Variants in LRP5 observed in about 807,000 individuals in gnomAD.
LRP5 encodes the protein low-density lipoprotein receptor-related protein 5.
A neutral mutation model predicts 154.1 loss-of-function variants in LRP5; 62 were observed. That is an observed-to-expected ratio of 0.40 (90% confidence interval 0.33 to 0.50). The LOEUF (loss-of-function observed/expected upper bound fraction) is 0.50. LRP5 is among the 20% of genes least tolerant of loss of function. The probability of loss-of-function intolerance (pLI) is 0.55; values close to 1 mark genes in which losing one functional copy is unlikely to be tolerated. For missense variants in LRP5, 1,915 were observed against 2,336.7 expected, an observed-to-expected ratio of 0.82 and a Z score of 3.72; for synonymous variants, 966 against 1,011.5, an observed-to-expected ratio of 0.96 and a Z score of 0.85.
At position 68,438,496 on chromosome 11, in the gene LRP5, G is replaced by A. The variant is rs143015732; in HGVS notation, c.4162G>A (p.Gly1388Arg). Residue 1388 changes from glycine (G) to arginine (R), a missense_variant, in exon 20 of 23, where the codon GGG becomes AGG. By Grantham distance (125) the Gly-to-Arg change is moderately radical. Transcript: ENST00000294304. Reference protein sequence around the residue: ...DDSPAHSSAIGPVIGIILSLF... With the variant: ...DDSPAHSSAIRPVIGIILSLF... ...CAGCCCGGCCCACAGCAGTGCCATCGGGCCCGTCATTGGCATCATCCTCTC... is the reference window on the plus strand; with the variant it reads ...CAGCCCGGCCCACAGCAGTGCCATCAGGCCCGTCATTGGCATCATCCTCTC... 21 of 1,614,118 alleles carry A rather than the reference G, an allele frequency of 1.3e-5. No homozygotes were observed. The African/African-American group carries it at 1.5e-4, about 11-fold the overall frequency.
Position 68,411,433 on chromosome 11 carries a change from C to T in LRP5, c.2319-3C>T, listed in dbSNP as rs899349775. ...GCCTGCCCTTCTCCCTTGTGCCTTCCAGCTACATCTACTGGACCGAGTGGG... is the reference window on the plus strand; with the variant it reads ...GCCTGCCCTTCTCCCTTGTGCCTTCTAGCTACATCTACTGGACCGAGTGGG... On this transcript the variant is annotated splice_region_variant and splice_polypyrimidine_tract_variant and intron_variant, in intron 10 of 22. Coordinates refer to ENST00000294304, the MANE Select transcript of LRP5 (RefSeq NM_002335.4). The T allele has an allele frequency of 6.2e-7, 1 of 1,610,678 alleles. No homozygotes were observed. The highest frequency in any genetic ancestry group is 1.7e-5 in the Admixed American group (1 of 60,028).
chr11:68,325,378 C>A (rs1051773963), intron 1 of LRP5, among the ~76,000 whole-genome samples: 2 of 152,094 alleles, frequency 1.3e-5, no homozygotes, highest in African/African-American at 4.8e-5. Flanking sequence ...TCGAAGTGCC[C>A]GCCTCTTGCT....
chr11:68,300,181 C>A, the LRP5 span, among the ~76,000 whole-genome samples: 1 of 149,352 alleles, frequency 6.7e-6, no homozygotes, highest in African/African-American at 2.4e-5. Context: ...CATGAGCCAC[C>A]GTGCCTGGCC....
chr11:68,391,910 C>T (rs1366040972), intron 7 of LRP5, among the ~76,000 whole-genome samples: 4 of 152,218 alleles, frequency 2.6e-5, no homozygotes, highest in Non-Finnish European at 5.9e-5. Flanking sequence ...GGCGCAATCA[C>T]GGCTCGCTGT....
chr11:68,441,943 C>G (rs2098678400), intron 21 of LRP5, among the ~76,000 whole-genome samples: 1 of 152,158 alleles, frequency 6.6e-6, no homozygotes, highest in Admixed American at 6.5e-5. Context: ...GTTCATGGTA[C>G]AAAATTCAAA....
chr11:68,302,925 G>A, the LRP5 span, among the ~76,000 whole-genome samples: 1 of 152,122 alleles, frequency 6.6e-6, no homozygotes, highest in Admixed American at 6.6e-5. Flanking sequence ...ACTCAGCACT[G>A]GGAATCCATA....
chr11:68,423,830 C>A lies in LRP5; in HGVS notation c.3236+133C>A. 1.2e-6 allele frequency: 1 copy of A among 824,522 alleles called. No individual in the cohort carries two copies. Among genetic ancestry groups the A allele is most frequent in the Non-Finnish European group, 1.9e-6 (1 of 529,050 alleles). The allele number at this position is 824,522 out of a possible 1,614,324, so 51.1% of individuals were successfully genotyped here. On this transcript the variant is annotated intron_variant, in intron 14 of 22. Coordinates refer to ENST00000294304, the MANE Select transcript of LRP5 (RefSeq NM_002335.4). The surrounding 1 kb of genome is among the most constrained non-coding windows in gnomAD (Gnocchi z 4.7). Reference sequence around the variant, plus strand: ...ATCCAATGGGTGGCTTTCCAGGGTCCCAAAAGCAAACACAGGCTCTTTCAC... The same window carrying A: ...ATCCAATGGGTGGCTTTCCAGGGTCACAAAAGCAAACACAGGCTCTTTCAC...
intron 7 of LRP5, among the ~76,000 whole-genome samples, chr11:68,398,841 C>T (rs1264761015): frequency 1.3e-5 from 2 of 152,152 alleles, no homozygotes; most frequent in East Asian, 3.9e-4. Context: ...CTCAAGCGAT[C>T]CTCCTGTCTC....
At chr11:68,411,850 G>A (rs1565089804) in intron 11 of LRP5, among the ~76,000 whole-genome samples, 1 of 152,202 alleles carries the variant, frequency 6.6e-6, no homozygotes, top group African/African-American at 2.4e-5. Context: ...GGTGACAGCT[G>A]TTTCCTGTGC....
chr11:68,314,751 A>C (rs1482338201), intron 1 of LRP5, among the ~76,000 whole-genome samples: 1 of 152,226 alleles, frequency 6.6e-6, no homozygotes, highest in Non-Finnish European at 1.5e-5. Flanking sequence ...GCCCAAGGCC[A>C]AGGCCGGGCC....
intron 21 of LRP5, chr11:68,445,785 G>A (rs748144085): frequency 9.1e-5 from 62 of 678,300 alleles, no homozygotes; most frequent in East Asian, 1.6e-4. Flanking sequence ...GCACGTTCAC[G>A]TGGTGAATTT....
At chr11:68,431,604 G>A (rs535789280) in intron 17 of LRP5, among the ~76,000 whole-genome samples, 1 of 152,286 alleles carries the variant, frequency 6.6e-6, no homozygotes, top group Non-Finnish European at 1.5e-5. Flanking sequence ...GGAGCTCGGG[G>A]AGTAGGGCCG....
At chr11:68,409,124 T>C (rs1405568403) in intron 9 of LRP5, among the ~76,000 whole-genome samples, 20 of 115,140 alleles carry the variant, frequency 1.7e-4, no homozygotes, top group African/African-American at 7.4e-4. Context: ...ACACACATAA[T>C]ATAAAAATAT....
chr11:68,433,693 G>A lies in LRP5; in HGVS notation c.3855G>A (p.Glu1285=). 6.2e-7 allele frequency: 1 copy of A among 1,613,250 alleles called. No individual in the cohort carries two copies. The highest frequency in any genetic ancestry group is 8.5e-7 in the Non-Finnish European group (1 of 1,179,968). The part of the protein sequence containing the change: ...PGAWRCDGFP[E]CDDQSDEEGC... ...CCTGGCGCTGTGACGGCTTTCCCGA[G>A]TGCGATGACCAGAGCGACGAGGAGG... The change falls in exon 18 of 23, where the codon GAG becomes GAA. Residue 1285 remains glutamate (E), a synonymous_variant. Transcript: ENST00000294304.
In LRP5 at chr11:68,347,855, C is replaced by T. The variant is rs118154213; in HGVS notation, c.100C>T (p.Leu34Phe). ...GCPAPAAASP[L>F]LLFANRRDVR... ...TTGCTTCTGCCCCACAGCCTCGCCG[C>T]TCCTGCTATTTGCCAACCGCCGGGA... is the stretch of plus-strand genomic sequence containing the variant. The change falls in exon 2 of 23, where the codon CTC becomes TTC. Residue 34 changes from leucine to phenylalanine, a missense_variant. Physicochemically the swap from Leu to Phe is conservative, Grantham distance 22. Transcript: ENST00000294304. 2 of 1,613,412 alleles carry T rather than the reference C, an allele frequency of 1.2e-6. No homozygotes were observed. Among genetic ancestry groups the T allele is most frequent in the East Asian group, 2.2e-5 (1 of 44,892 alleles).
intron 1 of LRP5, among the ~76,000 whole-genome samples, chr11:68,314,027 C>T (rs1186738180): frequency 6.6e-6 from 1 of 152,184 alleles, no homozygotes; most frequent in African/African-American, 2.4e-5. Context: ...CCAAATCTGC[C>T]TCTTTCAGGA....
Position 68,413,959 on chromosome 11 carries a change from G to C in LRP5, c.2774G>C (p.Arg925Pro). The C allele has an allele frequency of 6.2e-7, 1 of 1,607,536 alleles. No homozygotes were observed. Among genetic ancestry groups the C allele is most frequent in the South Asian group, 1.1e-5 (1 of 91,068 alleles). ...TGCCTTGCCATCCCCGGCGGCCACC[G>C]CTGCGGCTGCGCCTCACACTACACC... ...QLCLAIPGGH[R>P]CGCASHYTLD... is the part of the protein sequence containing the mutation. The change falls in exon 12 of 23, where the codon CGC (arginine) becomes CCC (proline). Residue 925 changes from arginine to proline, a missense_variant. By Grantham distance (103) the Arg-to-Pro change is moderately radical. Coordinates refer to ENST00000294304, the MANE Select transcript of LRP5 (RefSeq NM_002335.4). This position sits in a 1 kb window ranked among gnomAD's most constrained non-coding sequence, Gnocchi z 5.1.
rs2153110595 is a variant in LRP5 at position 68,313,532 on chromosome 11, T to C, written c.91+727T>C. On this transcript the variant is annotated intron_variant, in intron 1 of 22. Transcript: ENST00000294304. Reference sequence around the variant, plus strand: ...GTGGGGAGAGGTAGGGCGGGGGAACTTTCTCTCCAACTTTTGGTGTTTCCC... The same window carrying C: ...GTGGGGAGAGGTAGGGCGGGGGAACCTTCTCTCCAACTTTTGGTGTTTCCC... 2.0e-5 allele frequency among the ~76,000 whole-genome samples: 3 copies of C among 152,274 alleles called. No homozygotes were observed. In the South Asian group the frequency reaches 6.2e-4, roughly 32 times the overall value.
Position 68,314,182 on chromosome 11 carries a change from CTGTT to C in LRP5, c.91+1383_91+1386del, listed in dbSNP as rs201729646. Among the ~76,000 whole-genome samples, 124 of 152,188 alleles carry C rather than the reference CTGTT, an allele frequency of 8.1e-4. 2 individuals are homozygous for C. The East Asian group carries it at 0.022, about 27-fold the overall frequency. ...GGAGGCAAAAGGGGTTTTGGGGAAA[CTGTT>C]TGTTTTAAAGGGGGGGTTTCTAGGC... On this transcript the variant is annotated intron_variant, in intron 1 of 22. Coordinates refer to ENST00000294304, the MANE Select transcript of LRP5 (RefSeq NM_002335.4).
Sources: gnomAD v4.1 joint callset for allele counts (sites outside exome capture counted in the v4.1 genomes callset) on GRCh38, gnomAD v4.1.1 for gene constraint, Gnocchi (gnomAD v3.1) non-coding constraint, MANE v1.5 for transcripts, NCBI Gene and HGNC (gene_info 2026-07-23, HGNC 2026-07-21) for gene names.